TMEM163: variants seen among roughly 807,000 people sequenced by gnomAD.
The protein encoded by TMEM163 is transmembrane protein 163.
TMEM163 carries 17 observed loss-of-function variants against 29.3 expected under a neutral mutation model. The observed-to-expected ratio is 0.58, with a 90% CI of 0.40 to 0.87. The LOEUF (loss-of-function observed/expected upper bound fraction) is 0.87, where lower values mean the gene tolerates loss of function less well. TMEM163 is among the 40% of genes least tolerant of loss of function. The pLI is 0.00. For missense variants in TMEM163, 303 were observed against 381.5 expected (o/e 0.79, Z 1.71); for synonymous variants, 157 against 160.6 (o/e 0.98, Z 0.17).
chr2:134,502,751 T>C lies in TMEM163; in HGVS notation c.555+150A>G, dbSNP rs1679725869. 5 of 622,746 alleles carry C rather than the reference T, an allele frequency of 8.0e-6. No individual in the cohort carries two copies. In the South Asian group the frequency reaches 1.2e-4, roughly 14 times the overall value. The allele number at this position is 622,746 out of a possible 1,614,324, so 38.6% of individuals were successfully genotyped here. On this transcript the variant is annotated intron_variant, in intron 5 of 7. Coordinates refer to ENST00000281924, the MANE Select transcript of TMEM163 (RefSeq NM_030923.5). ...CCAGTGTTTCTCTCCACCAGGTCAT[T>C]TGCATCCCTGCAACAAGTTCTTCTG...
intron 5 of TMEM163, among the ~76,000 whole-genome samples, chr2:134,500,057 T>C (rs1400392833): frequency 6.6e-6 from 1 of 152,164 alleles, no homozygotes; most frequent in Non-Finnish European, 1.5e-5. Flanking sequence ...TCAGAAGACA[T>C]GATGATGATG....
At chr2:134,553,283 T>C (rs1680972543) in intron 2 of TMEM163, among the ~76,000 whole-genome samples, 1 of 152,244 alleles carries the variant, frequency 6.6e-6, no homozygotes, top group East Asian at 1.9e-4. Flanking sequence ...ATCCCTTCTC[T>C]AGGACCTGCT....
intron 2 of TMEM163, among the ~76,000 whole-genome samples, chr2:134,690,979 G>T (rs746213190): frequency 3.3e-5 from 5 of 152,148 alleles, no homozygotes; most frequent in Non-Finnish European, 5.9e-5. Context: ...GGTGCCCCAG[G>T]GGTGGGTGAC....
chr2:134,537,862 A>G (rs1239515682), intron 4 of TMEM163, among the ~76,000 whole-genome samples: 1 of 152,190 alleles, frequency 6.6e-6, no homozygotes, highest in Non-Finnish European at 1.5e-5. Flanking sequence ...ATGACCCACT[A>G]CTTCAATAGT....
chr2:134,669,787 C>T (rs1045614448), intron 2 of TMEM163, among the ~76,000 whole-genome samples: 1 of 152,230 alleles, frequency 6.6e-6, no homozygotes, highest in African/African-American at 2.4e-5. Context: ...AGAGCCATCA[C>T]TGAAGACGTC....
At chr2:134,542,897 T>C (rs1483511242) in intron 4 of TMEM163, among the ~76,000 whole-genome samples, 1 of 152,192 alleles carries the variant, frequency 6.6e-6, no homozygotes, top group Non-Finnish European at 1.5e-5. Context: ...CTACAATCTC[T>C]GCCTCCTTGT....
chr2:134,686,743 C>A (rs1210450385), intron 2 of TMEM163, among the ~76,000 whole-genome samples: 1 of 152,172 alleles, frequency 6.6e-6, no homozygotes, highest in Non-Finnish European at 1.5e-5. Context: ...GAGATTTTAC[C>A]CTACTTGCAA....
At chr2:134,702,699 C>T (rs1380812508) in intron 2 of TMEM163, among the ~76,000 whole-genome samples, 1 of 151,674 alleles carries the variant, frequency 6.6e-6, no homozygotes, top group Admixed American at 6.6e-5. Context: ...AAAAAAGATC[C>T]ACAAAACAAG....
At chr2:134,634,430 T>C (rs1350975240) in intron 2 of TMEM163, among the ~76,000 whole-genome samples, 1 of 152,212 alleles carries the variant, frequency 6.6e-6, no homozygotes, top group Non-Finnish European at 1.5e-5. Flanking sequence ...ACTTAGTGCC[T>C]GGTACCATGA....
intron 5 of TMEM163, among the ~76,000 whole-genome samples, chr2:134,473,431 A>G (rs1686847965): frequency 6.6e-6 from 1 of 151,844 alleles, no homozygotes; most frequent in Non-Finnish European, 1.5e-5. Context: ...GCTACATGAG[A>G]GGCTGAGGCA....
intron 2 of TMEM163, among the ~76,000 whole-genome samples, chr2:134,554,367 G>A (rs975592749): frequency 3.4e-5 from 5 of 148,746 alleles, no homozygotes; most frequent in Admixed American, 6.7e-5. Context: ...CAGAGGTTGC[G>A]GTGAACCGAG....
intron 4 of TMEM163, among the ~76,000 whole-genome samples, chr2:134,537,595 CAT>C (rs1429232636): frequency 6.6e-6 from 1 of 152,220 alleles, no homozygotes; most frequent in East Asian, 1.9e-4. Flanking sequence ...TCAGGGAAGA[CAT>C]AAACACCCAG....
chr2:134,629,885 A>T (rs1682930797), intron 2 of TMEM163, among the ~76,000 whole-genome samples: 1 of 152,218 alleles, frequency 6.6e-6, no homozygotes, highest in Non-Finnish European at 1.5e-5. Context: ...CAAACTGACC[A>T]GTGTTGGTCA....
chr2:134,517,335 A>C (rs960454412), intron 4 of TMEM163, among the ~76,000 whole-genome samples: 1 of 152,158 alleles, frequency 6.6e-6, no homozygotes, highest in Non-Finnish European at 1.5e-5. Context: ...CCCTCTGACA[A>C]GTCAGAAGGC....
intron 2 of TMEM163, among the ~76,000 whole-genome samples, chr2:134,656,504 T>C (rs1363003351): frequency 6.6e-6 from 1 of 152,128 alleles, no homozygotes; most frequent in East Asian, 1.9e-4. Context: ...AAATCACCCG[T>C]CTTCTGCGTC....
chr2:134,570,625 G>T (rs1681401395), intron 2 of TMEM163, among the ~76,000 whole-genome samples: 1 of 152,128 alleles, frequency 6.6e-6, no homozygotes, highest in Admixed American at 6.6e-5. Context: ...GCAGTTGACA[G>T]TAATATGATC....
At chr2:134,610,988 A>G (rs1682494732) in intron 2 of TMEM163, among the ~76,000 whole-genome samples, 1 of 152,176 alleles carries the variant, frequency 6.6e-6, no homozygotes, top group Non-Finnish European at 1.5e-5. Context: ...ATTTCACACA[A>G]CTAGCACATA....
At chr2:134,469,586 G>A (rs1686745918) in intron 5 of TMEM163, 1 of 152,258 alleles carries the variant, frequency 6.6e-6, no homozygotes, top group African/African-American at 2.4e-5. Context: ...AGTGAAAGGT[G>A]GAGGTGAAGC....
At chr2:134,669,275 G>A (rs1453062642) in intron 2 of TMEM163, among the ~76,000 whole-genome samples, 2 of 152,172 alleles carry the variant, frequency 1.3e-5, no homozygotes, top group African/African-American at 2.4e-5. Flanking sequence ...TGGGCACGAG[G>A]TCCCTTCCTC....
Sources: gnomAD v4.1 joint callset for allele counts (sites outside exome capture counted in the v4.1 genomes callset) on GRCh38, gnomAD v4.1.1 for gene constraint, MANE v1.5 for transcripts, NCBI Gene and HGNC (gene_info 2026-07-23, HGNC 2026-07-21) for gene names.